The following PCDHA4 variants were observed in gnomAD, a reference collection of about 807,000 sequenced individuals.
The protein encoded by PCDHA4 is protocadherin alpha 4.
PCDHA4 carries 49 observed loss-of-function variants against 61.4 expected under a neutral mutation model. That is an observed-to-expected ratio of 0.80 (90% CI 0.63 to 1.01). The LOEUF is 1.01. Ranked by LOEUF, PCDHA4 falls within the 50% of genes least tolerant of loss-of-function variation. PCDHA4 has a pLI of 0.00. For missense variants in PCDHA4, 1,254 were observed against 1,235.8 expected, an observed-to-expected ratio of 1.01 and a Z score of -0.22; for synonymous variants, 590 against 550.3, an observed-to-expected ratio of 1.07 and a Z score of -1.01.
intron 2 of PCDHA4, 148 bp from the exon 3 acceptor site, chr5:140,982,327 C>A: frequency 7.0e-7 from 1 of 1,419,146 alleles, no homozygotes; most frequent in South Asian, 1.4e-5. Context: ...AGGGTGACTG[C>A]TCAGCAGTAA....
At chr5:140,843,025 T>G in intron 1 of PCDHA4, 1 of 1,595,056 alleles carries the variant, frequency 6.3e-7, no homozygotes. Context: ...TGCTGGAGCC[T>G]CGGGTGGGTG....
intron 1 of PCDHA4, among the ~76,000 whole-genome samples, chr5:140,953,877 ACCCATCAC>A (rs1252251050): frequency 6.6e-6 from 1 of 152,098 alleles, no homozygotes; most frequent in Non-Finnish European, 1.5e-5. Context: ...GCACAGATCA[ACCCATCAC>A]CTAGGTATTA....
chr5:140,851,265 CTTGTA>C, intron 1 of PCDHA4: 1 of 1,075,054 alleles, frequency 9.3e-7, no homozygotes, highest in Non-Finnish European at 1.2e-6. Flanking sequence ...TTTTAGTCTA[CTTGTA>C]TTGTTTATAA....
chr5:140,882,438 C>A lies in PCDHA4; in HGVS notation c.2385+72866C>A, dbSNP rs782795158. On this transcript the variant is annotated intron_variant, in intron 1 of 3. Coordinates refer to ENST00000530339, the MANE Select transcript of PCDHA4 (RefSeq NM_018907.4). ...GCTCAGGACCTGGGGCTGGAGCTGG[C>A]GGAGCTGGTGCCGCGCCTGTTCCGG... 3.1e-6 allele frequency: 5 copies of A among 1,613,902 alleles called. No individual in the cohort carries two copies. In the Admixed American group the frequency reaches 5.0e-5, roughly 16 times the overall value.
intron 3 of PCDHA4, among the ~76,000 whole-genome samples, chr5:140,997,458 G>A (rs1167865060): frequency 5.3e-5 from 8 of 152,070 alleles, no homozygotes; most frequent in African/African-American, 1.7e-4. Flanking sequence ...ACTGAATACT[G>A]TAGGCAATTT....
At chr5:140,941,558 A>G (rs903071259) in intron 1 of PCDHA4, among the ~76,000 whole-genome samples, 1 of 151,596 alleles carries the variant, frequency 6.6e-6, no homozygotes, top group African/African-American at 2.4e-5. Context: ...CTCGTGATCC[A>G]TTCGCCTCAG....
chr5:141,011,085 T>C lies in PCDHA4; in HGVS notation c.*1148T>C, dbSNP rs2098419298. The C allele has an allele frequency of 6.5e-6, 1 of 153,776 alleles. No homozygotes were observed. Among genetic ancestry groups the C allele is most frequent in the Non-Finnish European group, 1.5e-5 (1 of 68,046 alleles). The allele number at this position is 153,776 out of a possible 1,614,324, so 9.5% of individuals were successfully genotyped here. A position where few individuals can be genotyped will look rare whatever the true frequency, so the allele number is the denominator to read the frequency against. ...ATGTATTACTAAATAAAATGATCTC[T>C]CTTTCTCTCTCTCTCTCTCTTTTCT... On this transcript the variant is annotated 3_prime_UTR_variant, in exon 4 of 4. Transcript: ENST00000530339.
Position 140,808,788 on chromosome 5 carries a change from A to G in PCDHA4, c.1601A>G (p.Gln534Arg). The change falls in exon 1 of 4, where the codon CAG (glutamine) becomes CGG (arginine). Residue 534 changes from glutamine (Q) to arginine (R), a missense_variant. Transcript: ENST00000530339. ...DHEELELLQF[Q>R]VTARDAGVPP... ...GAGGAGCTAGAGCTGCTGCAGTTTCAGGTGACCGCTCGCGATGCCGGCGTG... is the reference window on the plus strand; with the variant it reads ...GAGGAGCTAGAGCTGCTGCAGTTTCGGGTGACCGCTCGCGATGCCGGCGTG... 6.2e-7 allele frequency: 1 copy of G among 1,612,558 alleles called. No individual in the cohort carries two copies.
At chr5:140,851,027 C>A in intron 1 of PCDHA4, 2 of 1,410,188 alleles carry the variant, frequency 1.4e-6, no homozygotes, top group Non-Finnish European at 1.9e-6. Flanking sequence ...TAAAGTAAAC[C>A]CCTTAACATT....
intron 1 of PCDHA4, chr5:140,857,132 G>C: frequency 6.3e-7 from 1 of 1,598,262 alleles, no homozygotes; most frequent in Non-Finnish European, 8.6e-7. Flanking sequence ...GAAAGAAGAT[G>C]CTCAAGTGGG....
rs1358633051 is a variant in PCDHA4, at chr5:140,859,520, T to TA, written c.2385+49956dup. On this transcript the variant is annotated intron_variant, in intron 1 of 3. Coordinates refer to ENST00000530339, the MANE Select transcript of PCDHA4 (RefSeq NM_018907.4). ...TACCTGATACCCATGATTTCATTTT[T>TA]AAAAAAAATTTATTAATTCTAGTGT... 5.7e-5 allele frequency: 11 copies of TA among 194,288 alleles called. 2 individuals are homozygous for TA. The highest frequency in any genetic ancestry group is 1.0e-4 in the Non-Finnish European group (10 of 97,338). The allele number at this position is 194,288 out of a possible 1,614,324, so 12.0% of individuals were successfully genotyped here. A position where few individuals can be genotyped will look rare whatever the true frequency, so the allele number is the denominator to read the frequency against.
intron 1 of PCDHA4, chr5:140,884,024 G>T: frequency 1.2e-6 from 2 of 1,613,318 alleles, no homozygotes; most frequent in South Asian, 2.2e-5. Flanking sequence ...GCGGTCGGTG[G>T]GTGCAGGCCA....
intron 3 of PCDHA4, among the ~76,000 whole-genome samples, chr5:140,987,130 C>G (rs1220504537): frequency 6.6e-6 from 1 of 151,648 alleles, no homozygotes; most frequent in East Asian, 1.9e-4. Context: ...AGGAGAATTG[C>G]TTGAACTCGG....
rs2150530468 is a variant in PCDHA4 at position 140,853,294 on chromosome 5, A to G, written c.2385+43722A>G. On this transcript the variant is annotated intron_variant, in intron 1 of 3. Coordinates refer to ENST00000530339, the MANE Select transcript of PCDHA4 (RefSeq NM_018907.4). The stretch of plus-strand genomic sequence containing the variant: ...CTCTCATCATATGCAAATTCTCAGA[A>G]GGGCTGTGAACACCTTAGTAATAAA... 2 of 982,066 alleles carry G rather than the reference A, an allele frequency of 2.0e-6. 1 individual carries two copies. Among genetic ancestry groups the G allele is most frequent in the Non-Finnish European group, 2.5e-6 (2 of 814,606 alleles). 60.8% of individuals were successfully genotyped at this position (982,066 alleles called of 1,614,324 possible). A position where few individuals can be genotyped will look rare whatever the true frequency, so the allele number is the denominator to read the frequency against.
intron 1 of PCDHA4, chr5:140,884,656 G>C (rs782439139): frequency 1.9e-6 from 3 of 1,602,178 alleles, no homozygotes; most frequent in Admixed American, 1.7e-5. Context: ...CAGAATGCTT[G>C]AAAGAGGTAA....
intron 1 of PCDHA4, chr5:140,823,781 T>A (rs2150129137): frequency 1.2e-6 from 2 of 1,613,800 alleles, no homozygotes; most frequent in Non-Finnish European, 1.7e-6. Context: ...GTGTCGCTGG[T>A]GGAAAGTGGC....
At chr5:140,836,665 G>A in intron 1 of PCDHA4, 2 of 1,613,382 alleles carry the variant, frequency 1.2e-6, no homozygotes, top group South Asian at 2.2e-5. Context: ...GTGTGCTCTG[G>A]GGAGGGCCCA....
intron 1 of PCDHA4, among the ~76,000 whole-genome samples, chr5:140,921,475 A>G (rs1323812887): frequency 6.6e-6 from 1 of 152,074 alleles, no homozygotes; most frequent in Non-Finnish European, 1.5e-5. Context: ...CTACCAAACC[A>G]CTCTACCTGA....
Position 140,863,355 on chromosome 5 carries a change from G to A in PCDHA4, c.2385+53783G>A, listed in dbSNP as rs541699808. ...TCACGTTGCTGCTGTACACGACGCT[G>A]CGGTGCTTGGCGCAGCTCACCGAGA... On this transcript the variant is annotated intron_variant, in intron 1 of 3. Coordinates refer to ENST00000530339, the MANE Select transcript of PCDHA4 (RefSeq NM_018907.4). 8 of 1,264,220 alleles carry A rather than the reference G, an allele frequency of 6.3e-6. No homozygotes were observed. In the Admixed American group the frequency reaches 1.3e-4, roughly 20 times the overall value. 78.3% of individuals were successfully genotyped at this position (1,264,220 alleles called of 1,614,324 possible).
Sources: allele counts gnomAD v4.1 joint callset (sites outside exome capture counted in the v4.1 genomes callset), GRCh38; gene constraint gnomAD v4.1.1; transcripts MANE v1.5; gene names NCBI Gene and HGNC (gene_info 2026-07-23, HGNC 2026-07-21).